PHACTR1: variants seen among roughly 807,000 people sequenced by gnomAD.
PHACTR1 encodes RPEL repeat containing 1.
Under a neutral mutation model 69.2 loss-of-function variants are expected in PHACTR1, and 16 were observed. The ratio of observed to expected loss-of-function variants is 0.23; its 90% CI spans 0.16 to 0.35. PHACTR1 has a LOEUF of 0.35. Among genes scored for constraint, PHACTR1 ranks in the 10% least tolerant of loss-of-function variants. The pLI is 1.00. For missense variants in PHACTR1, 510 were observed against 734.7 expected, an observed-to-expected ratio of 0.69 and a Z score of 3.54; for synonymous variants, 312 against 284.5, an observed-to-expected ratio of 1.10 and a Z score of -0.97.
At chr6:13,250,812 A>G (rs551670364) in intron 10 of PHACTR1, among the ~76,000 whole-genome samples, 2 of 152,336 alleles carry the variant, frequency 1.3e-5, no homozygotes, top group African/African-American at 4.8e-5. Context: ...GTCTGGGCGC[A>G]AGACAGGTCT....
At chr6:12,844,289 T>C (rs879655041) in intron 4 of PHACTR1, among the ~76,000 whole-genome samples, 7 of 152,104 alleles carry the variant, frequency 4.6e-5, no homozygotes, top group Admixed American at 4.6e-4. Context: ...CCCAGCTACT[T>C]GGGAGGCTGA....
At chr6:12,985,541 A>AAAAATATATAT (rs1179784179) in intron 4 of PHACTR1, among the ~76,000 whole-genome samples, 1 of 132,768 alleles carries the variant, frequency 7.5e-6, no homozygotes, top group African/African-American at 2.9e-5. Flanking sequence ...AAAAAAAAAA[A>AAAAATATATAT]ATATATATAT....
chr6:13,243,622 G>A lies in PHACTR1; in HGVS notation c.1391+13429G>A, dbSNP rs543011934. On this transcript the variant is annotated intron_variant, in intron 10 of 14. Coordinates refer to ENST00000332995, the MANE Select transcript of PHACTR1 (RefSeq NM_030948.6). Reference sequence around the variant, plus strand: ...AAAAACCTTAGGTTCAAGGGTACACGTACAGGTTTATTATAGAGATAAATT... The same window carrying A: ...AAAAACCTTAGGTTCAAGGGTACACATACAGGTTTATTATAGAGATAAATT... Among the ~76,000 whole-genome samples, 8 of 152,090 alleles carry A rather than the reference G, an allele frequency of 5.3e-5. No homozygotes were observed. In the South Asian group the frequency reaches 6.2e-4, roughly 12 times the overall value.
At chr6:13,211,195 T>C (rs1185430418) in intron 8 of PHACTR1, among the ~76,000 whole-genome samples, 1 of 152,136 alleles carries the variant, frequency 6.6e-6, no homozygotes, top group Non-Finnish European at 1.5e-5. Context: ...AGTGGTGATT[T>C]CTGAGGTTTG....
At chr6:12,842,208 C>A (rs1214242404) in intron 4 of PHACTR1, among the ~76,000 whole-genome samples, 1 of 152,168 alleles carries the variant, frequency 6.6e-6, no homozygotes, top group Non-Finnish European at 1.5e-5. Context: ...CTGAAAACAT[C>A]CCAATGAGTA....
intron 3 of PHACTR1, among the ~76,000 whole-genome samples, chr6:12,734,503 T>C (rs1186389296): frequency 6.6e-6 from 1 of 152,194 alleles, no homozygotes. Context: ...CATGAAATCA[T>C]GTAACTATTA....
intron 5 of PHACTR1, among the ~76,000 whole-genome samples, chr6:13,133,751 C>T (rs9473499): frequency 0.58 from 86,766 of 149,826 alleles, 25,109 homozygotes; most frequent in East Asian, 0.78. Flanking sequence ...TCTGCCTGGC[C>T]GCCCATCGTC....
chr6:12,985,541 A>AAAAAT (rs1179784179), intron 4 of PHACTR1, among the ~76,000 whole-genome samples: 9 of 132,766 alleles, frequency 6.8e-5, no homozygotes, highest in African/African-American at 2.3e-4. Context: ...AAAAAAAAAA[A>AAAAAT]ATATATATAT....
At chr6:12,896,659 C>T in intron 4 of PHACTR1, among the ~76,000 whole-genome samples, 1 of 152,206 alleles carries the variant, frequency 6.6e-6, no homozygotes, top group South Asian at 2.1e-4. Context: ...AAGTAAACAG[C>T]AGAGAAACAT....
chr6:12,787,437 T>A (rs1333376590), intron 4 of PHACTR1, among the ~76,000 whole-genome samples: 3 of 152,174 alleles, frequency 2.0e-5, no homozygotes, highest in Non-Finnish European at 2.9e-5. Context: ...TAAGTCTCTT[T>A]TGTGTGGCAA....
intron 4 of PHACTR1, among the ~76,000 whole-genome samples, chr6:12,755,844 C>T (rs1378126019): frequency 6.6e-6 from 1 of 152,082 alleles, no homozygotes; most frequent in African/African-American, 2.4e-5. Flanking sequence ...TTTTAGATTA[C>T]CAGGGAAGGT....
intron 4 of PHACTR1, among the ~76,000 whole-genome samples, chr6:12,919,052 T>A (rs1421296529): frequency 6.6e-6 from 1 of 152,218 alleles, no homozygotes; most frequent in Admixed American, 6.5e-5. Context: ...GGTCTCGAAC[T>A]CCTGAGCTCA....
chr6:12,838,741 A>G (rs545263804), intron 4 of PHACTR1, among the ~76,000 whole-genome samples: 23 of 152,290 alleles, frequency 1.5e-4, no homozygotes, highest in Non-Finnish European at 2.8e-4. Context: ...TAGCCTCAAA[A>G]TGGTTGTGAA....
intron 4 of PHACTR1, among the ~76,000 whole-genome samples, chr6:12,860,800 GA>G (rs1780865524): frequency 6.6e-6 from 1 of 152,144 alleles, no homozygotes; most frequent in South Asian, 2.1e-4. Context: ...GTCTTCTTTT[GA>G]AAAGTGTCTG....
chr6:13,086,515 C>A (rs1299174938), intron 5 of PHACTR1, among the ~76,000 whole-genome samples: 1 of 152,076 alleles, frequency 6.6e-6, no homozygotes, highest in African/African-American at 2.4e-5. Flanking sequence ...CCCCTAGGCC[C>A]CAGTAACCAG....
Position 13,239,580 on chromosome 6 carries a change from T to C in PHACTR1, c.1391+9387T>C, listed in dbSNP as rs528818292. ...ATAAGAAGACTTGAGCAAGACGCAT[T>C]GGAAGGAGGTAGAATAAAACTTCAA... On this transcript the variant is annotated intron_variant, in intron 10 of 14. Coordinates refer to ENST00000332995, the MANE Select transcript of PHACTR1 (RefSeq NM_030948.6). Among the ~76,000 whole-genome samples the C allele has an allele frequency of 2.6e-5, 4 of 152,124 alleles. No individual in the cohort carries two copies. The South Asian group carries it at 6.2e-4, about 24-fold the overall frequency.
chr6:13,066,556 C>T (rs1808664049), intron 5 of PHACTR1, among the ~76,000 whole-genome samples: 1 of 152,136 alleles, frequency 6.6e-6, no homozygotes, highest in African/African-American at 2.4e-5. Context: ...TTTGGGTTAT[C>T]TATTGCTGTG....
rs768264665 is a variant in PHACTR1, at chr6:12,720,598, G to T, written c.103+1751G>T. On this transcript the variant is annotated intron_variant, in intron 3 of 14. Transcript: ENST00000332995. The stretch of plus-strand genomic sequence containing the variant: ...GGAGGTGGCAGCATAAGCTACTGTT[G>T]CTCCCTGGAGTCATGTTCGTATTAG... 8.5e-5 allele frequency among the ~76,000 whole-genome samples: 13 copies of T among 152,296 alleles called. No homozygotes were observed. The South Asian group carries it at 2.5e-3, about 29-fold the overall frequency.
At chr6:12,720,670 G>T (rs1762000083) in intron 3 of PHACTR1, among the ~76,000 whole-genome samples, 1 of 152,222 alleles carries the variant, frequency 6.6e-6, no homozygotes, top group Admixed American at 6.5e-5. Flanking sequence ...TTTGCAGGAG[G>T]GGCGGGGGTT....
Sources: allele counts gnomAD v4.1 joint callset (sites outside exome capture counted in the v4.1 genomes callset), GRCh38; gene constraint gnomAD v4.1.1; transcripts MANE v1.5; gene names NCBI Gene and HGNC (gene_info 2026-07-23, HGNC 2026-07-21).